Variants in CDH12 observed in about 807,000 individuals in gnomAD.
CDH12 encodes the protein cadherin 12.
Under a neutral mutation model 74.1 loss-of-function variants are expected in CDH12, and 41 were observed. That is an observed-to-expected ratio of 0.55 (90% confidence interval 0.43 to 0.72). The LOEUF (loss-of-function observed/expected upper bound fraction) is 0.72. Ranked by LOEUF, CDH12 falls within the 30% of genes least tolerant of loss-of-function variation. The pLI is 0.00. For missense variants in CDH12, 945 were observed against 977.2 expected (o/e 0.97, Z 0.44); for synonymous variants, 399 against 355.0 (o/e 1.12, Z -1.39).
At chr5:22,704,962 C>A (rs574675107) in intron 1 of CDH12, among the ~76,000 whole-genome samples, 2 of 151,850 alleles carry the variant, frequency 1.3e-5, no homozygotes, top group African/African-American at 2.4e-5. Flanking sequence ...TTAGCTCATA[C>A]AAAAAATTCT....
intron 3 of CDH12, among the ~76,000 whole-genome samples, chr5:22,401,732 C>A (rs906078139): frequency 2.6e-5 from 4 of 151,992 alleles, no homozygotes; most frequent in African/African-American, 9.7e-5. Context: ...GTCTATAGAT[C>A]TAATTAAAGC....
chr5:22,293,628 A>C (rs1222228260), intron 3 of CDH12, among the ~76,000 whole-genome samples: 1 of 152,176 alleles, frequency 6.6e-6, no homozygotes. Flanking sequence ...ATATACACAC[A>C]CACACACACA....
At chr5:21,843,264 T>C (rs966381018) in intron 7 of CDH12, among the ~76,000 whole-genome samples, 3 of 152,302 alleles carry the variant, frequency 2.0e-5, no homozygotes, top group East Asian at 3.9e-4. Flanking sequence ...CATGCTACTT[T>C]CTTTAAGTAG....
intron 8 of CDH12, among the ~76,000 whole-genome samples, chr5:21,841,629 C>T (rs1398261652): frequency 4.0e-5 from 6 of 151,084 alleles, no homozygotes; most frequent in Non-Finnish European, 7.4e-5. Flanking sequence ...CAATGATAGA[C>T]TGGATTAAGA....
rs201427554 is a variant in CDH12, at chr5:22,823,219, T to A, written c.-523+29839A>T. 7.0e-4 allele frequency among the ~76,000 whole-genome samples: 79 copies of A among 112,322 alleles called. 1 individual carries two copies. The East Asian group carries it at 0.022, about 31-fold the overall frequency. 73.7% of individuals were successfully genotyped at this position (112,322 alleles called of 152,430 possible). A position where few individuals can be genotyped will look rare whatever the true frequency, so the allele number is the denominator to read the frequency against. Reference sequence around the variant, plus strand: ...GGACACAGGAAGGGGAACATCACACTCCGGGGACTGTTGTGAGGTGGGGGG... The same window carrying A: ...GGACACAGGAAGGGGAACATCACACACCGGGGACTGTTGTGAGGTGGGGGG... On this transcript the variant is annotated intron_variant, in intron 1 of 14. Transcript: ENST00000382254.
chr5:22,242,733 C>T (rs1004942158), intron 3 of CDH12, among the ~76,000 whole-genome samples: 1 of 152,100 alleles, frequency 6.6e-6, no homozygotes, highest in Admixed American at 6.5e-5. Flanking sequence ...TCTGGCCTCC[C>T]GCTCCTCTTG....
At chr5:22,333,619 T>G (rs1257662009) in intron 3 of CDH12, among the ~76,000 whole-genome samples, 1 of 152,090 alleles carries the variant, frequency 6.6e-6, no homozygotes, top group Non-Finnish European at 1.5e-5. Flanking sequence ...GGGGACACTA[T>G]CAAATGCATT....
Position 21,882,713 on chromosome 5 carries a change from G to C in CDH12, c.527-27923C>G, listed in dbSNP as rs1211113631. 9 of 1,448,230 alleles carry C rather than the reference G, an allele frequency of 6.2e-6. No homozygotes were observed. The East Asian group carries it at 1.8e-4, about 28-fold the overall frequency. 89.7% of individuals were successfully genotyped at this position (1,448,230 alleles called of 1,614,324 possible). On this transcript the variant is annotated intron_variant, in intron 6 of 14. Coordinates refer to ENST00000382254, the MANE Select transcript of CDH12 (RefSeq NM_004061.5). ...AGATGCCCGAGCCTTAATGCTTCAA[G>C]GTGTAGGTAGACCTTTTAGCCGATG...
At chr5:22,704,667 A>G (rs1742893579) in intron 1 of CDH12, among the ~76,000 whole-genome samples, 1 of 152,130 alleles carries the variant, frequency 6.6e-6, no homozygotes, top group Non-Finnish European at 1.5e-5. Flanking sequence ...AATAGTTTGG[A>G]AAAAGTTAGA....
At chr5:22,101,972 T>C (rs1450519384) in intron 4 of CDH12, among the ~76,000 whole-genome samples, 4 of 152,166 alleles carry the variant, frequency 2.6e-5, no homozygotes, top group African/African-American at 9.7e-5. Context: ...TATGTTCCAA[T>C]AGTGCCATAT....
At chr5:22,838,511 G>A (rs1232193421) in intron 1 of CDH12, among the ~76,000 whole-genome samples, 1 of 152,030 alleles carries the variant, frequency 6.6e-6, no homozygotes. Context: ...TTCCATGACT[G>A]TAGCATAACT....
chr5:22,058,736 A>G (rs1740939443), intron 5 of CDH12, among the ~76,000 whole-genome samples: 1 of 148,972 alleles, frequency 6.7e-6, no homozygotes, highest in South Asian at 2.1e-4. Flanking sequence ...AGAAAGAAAG[A>G]AAAAAAGGAA....
At chr5:22,782,064 A>C (rs1241196044) in intron 1 of CDH12, among the ~76,000 whole-genome samples, 1 of 152,122 alleles carries the variant, frequency 6.6e-6, no homozygotes, top group African/African-American at 2.4e-5. Flanking sequence ...TGTTGAATTA[A>C]CTAACTTGTT....
intron 6 of CDH12, among the ~76,000 whole-genome samples, chr5:21,937,596 G>A (rs1195399919): frequency 6.6e-6 from 1 of 152,162 alleles, no homozygotes; most frequent in Non-Finnish European, 1.5e-5. Flanking sequence ...TCTTAATCAT[G>A]TATTAGGTGT....
intron 3 of CDH12, among the ~76,000 whole-genome samples, chr5:22,362,535 G>T (rs1452539489): frequency 6.6e-6 from 1 of 152,028 alleles, no homozygotes; most frequent in East Asian, 1.9e-4. Context: ...ATTCCTCAGG[G>T]ATCTAGAACT....
intron 1 of CDH12, among the ~76,000 whole-genome samples, chr5:22,824,912 A>T (rs1168588173): frequency 6.6e-6 from 1 of 151,714 alleles, no homozygotes; most frequent in Non-Finnish European, 1.5e-5. Flanking sequence ...TTATATATCT[A>T]TAGAAAGTTA....
intron 1 of CDH12, among the ~76,000 whole-genome samples, chr5:22,581,158 C>T (rs759556601): frequency 2.0e-5 from 3 of 152,288 alleles, no homozygotes; most frequent in South Asian, 2.1e-4. Context: ...AAAATGTTTC[C>T]AGGGCATGTC....
At chr5:22,501,967 A>C (rs1244348881) in intron 2 of CDH12, among the ~76,000 whole-genome samples, 1 of 151,962 alleles carries the variant, frequency 6.6e-6, no homozygotes, top group South Asian at 2.1e-4. Context: ...TGCCCTAAAG[A>C]CTTGCTTTTT....
At chr5:22,428,863 G>T (rs1407788253) in intron 2 of CDH12, among the ~76,000 whole-genome samples, 1 of 151,904 alleles carries the variant, frequency 6.6e-6, no homozygotes, top group African/African-American at 2.4e-5. Flanking sequence ...CTGCCTTTAG[G>T]GATATGTTGA....
Sources: gnomAD v4.1 joint callset for allele counts (sites outside exome capture counted in the v4.1 genomes callset) on GRCh38, gnomAD v4.1.1 for gene constraint, MANE v1.5 for transcripts, NCBI Gene and HGNC (gene_info 2026-07-23, HGNC 2026-07-21) for gene names.